DNM3: variants seen among roughly 807,000 people sequenced by gnomAD.
The protein encoded by DNM3 is dynamin-3.
In DNM3, 47 loss-of-function variants were observed where a neutral mutation model predicts 101.6. The ratio of observed to expected loss-of-function variants is 0.46; its 90% CI spans 0.37 to 0.59. DNM3 has a LOEUF of 0.59. DNM3 is among the 20% of genes least tolerant of loss of function. The pLI is 0.00. For missense variants in DNM3, 849 were observed against 1,085.7 expected (o/e 0.78, Z 3.06); for synonymous variants, 385 against 387.9 (o/e 0.99, Z 0.09).
At chr1:171,985,479 C>T (rs1293903512) in intron 2 of DNM3, among the ~76,000 whole-genome samples, 1 of 152,144 alleles carries the variant, frequency 6.6e-6, no homozygotes, top group Non-Finnish European at 1.5e-5. Context: ...GAAGAACATG[C>T]CTTATCTTGA....
chr1:171,894,671 G>T (rs1347922265), intron 1 of DNM3, among the ~76,000 whole-genome samples: 2 of 152,086 alleles, frequency 1.3e-5, no homozygotes, highest in African/African-American at 4.8e-5. Flanking sequence ...GTGCCATGTT[G>T]GTTTGTTGCA....
At chr1:172,098,994 G>A (rs188604142) in intron 13 of DNM3, among the ~76,000 whole-genome samples, 36 of 152,306 alleles carry the variant, frequency 2.4e-4, no homozygotes, top group African/African-American at 7.9e-4. Context: ...CTTGTAAATT[G>A]CTCTTCTGCT....
intron 8 of DNM3, among the ~76,000 whole-genome samples, chr1:172,043,968 G>C (rs758077155): frequency 6.8e-4 from 103 of 152,220 alleles, no homozygotes; most frequent in Non-Finnish European, 1.3e-3. Context: ...AAGTGGCCAG[G>C]GACAAAAGAC....
intron 14 of DNM3, 128 bp downstream of exon 14, chr1:172,131,416 T>A: frequency 5.3e-6 from 4 of 757,670 alleles, no homozygotes; most frequent in Non-Finnish European, 8.3e-6. Context: ...CTTGGAATGT[T>A]TGTTTAAAAA....
At chr1:172,237,927 G>A (rs558293975) in intron 14 of DNM3, among the ~76,000 whole-genome samples, 22 of 152,272 alleles carry the variant, frequency 1.4e-4, no homozygotes, top group South Asian at 8.3e-4. Context: ...CCTGTACTGG[G>A]TGACCCCACC....
At chr1:172,064,250 A>T (rs1438658147) in intron 10 of DNM3, among the ~76,000 whole-genome samples, 1 of 152,224 alleles carries the variant, frequency 6.6e-6, no homozygotes, top group Non-Finnish European at 1.5e-5. Flanking sequence ...ATTTAGGCAT[A>T]CATACTTAAT....
chr1:172,079,721 A>G (rs1258285244), intron 11 of DNM3, among the ~76,000 whole-genome samples: 1 of 152,080 alleles, frequency 6.6e-6, no homozygotes, highest in East Asian at 1.9e-4. Context: ...TGGAATTTTC[A>G]GCCTTTTTGC....
At chr1:172,241,572 CTG>C (rs1451013830) in intron 14 of DNM3, among the ~76,000 whole-genome samples, 1 of 152,056 alleles carries the variant, frequency 6.6e-6, no homozygotes, top group Non-Finnish European at 1.5e-5. Flanking sequence ...ATAAATCACT[CTG>C]AGAATCATTG....
At chr1:172,322,297 C>G (rs1157788154) in intron 16 of DNM3, among the ~76,000 whole-genome samples, 1 of 152,188 alleles carries the variant, frequency 6.6e-6, no homozygotes, top group Non-Finnish European at 1.5e-5. Context: ...ACACACTTTA[C>G]TCACAGCTCT....
intron 13 of DNM3, among the ~76,000 whole-genome samples, chr1:172,110,486 A>G (rs2055386824): frequency 6.6e-6 from 1 of 152,220 alleles, no homozygotes; most frequent in Non-Finnish European, 1.5e-5. Context: ...ATATCCAACA[A>G]GTAACTGTTG....
At chr1:172,241,106 TCTA>T (rs1337562564) in intron 14 of DNM3, among the ~76,000 whole-genome samples, 2 of 152,124 alleles carry the variant, frequency 1.3e-5, no homozygotes, top group African/African-American at 2.4e-5. Flanking sequence ...TTTTTTCTGT[TCTA>T]CTATTTTCTG....
At position 172,408,165 on chromosome 1, in the gene DNM3, A is replaced by G. The variant is rs776567280; in HGVS notation, c.*324A>G. The G allele has an allele frequency of 3.1e-5, 35 of 1,119,652 alleles. No homozygotes were observed. Among genetic ancestry groups the G allele is most frequent in the Non-Finnish European group, 3.7e-5 (34 of 911,920 alleles). The allele number at this position is 1,119,652 out of a possible 1,614,324, so 69.4% of individuals were successfully genotyped here. On this transcript the variant is annotated 3_prime_UTR_variant, in exon 21 of 21. Coordinates refer to ENST00000627582, the MANE Select transcript of DNM3 (RefSeq NM_015569.5). Reference sequence around the variant, plus strand: ...TTTGGACAAGTTTTCTAGGCTATCTACCAGGTAGCTCATTAAACGTAATTC... The same window carrying G: ...TTTGGACAAGTTTTCTAGGCTATCTGCCAGGTAGCTCATTAAACGTAATTC...
At chr1:172,290,095 ACTAGT>A (rs1268042798) in intron 15 of DNM3, 1 of 731,016 alleles carries the variant, frequency 1.4e-6, no homozygotes, top group African/African-American at 1.9e-5. Context: ...TACTGGTGAG[ACTAGT>A]CAGTCAACAA....
chr1:172,079,666 G>T (rs2052974041), intron 11 of DNM3, among the ~76,000 whole-genome samples: 1 of 152,074 alleles, frequency 6.6e-6, no homozygotes, highest in South Asian at 2.1e-4. Context: ...TTTCTTGCTG[G>T]CAAGGAGTTG....
In DNM3 at chr1:172,211,354, T is replaced by G. The variant is rs541282696; in HGVS notation, c.1660-42219T>G. On this transcript the variant is annotated intron_variant, in intron 14 of 20. Transcript: ENST00000627582. ...TCTAAAGTTTTCCTTCTACAATTTT[T>G]TAAGGCCCAGCGCAGGATCCCTGTC... 2.6e-5 allele frequency among the ~76,000 whole-genome samples: 4 copies of G among 152,110 alleles called. No homozygotes were observed. In the South Asian group the frequency reaches 8.3e-4, roughly 32 times the overall value.
intron 13 of DNM3, among the ~76,000 whole-genome samples, chr1:172,094,495 G>T (rs1373108321): frequency 6.6e-6 from 1 of 152,118 alleles, no homozygotes; most frequent in Non-Finnish European, 1.5e-5. Flanking sequence ...GACATTCCTG[G>T]GTTCAAATTC....
At chr1:172,287,065 C>A (rs2063729161) in intron 15 of DNM3, among the ~76,000 whole-genome samples, 3 of 152,146 alleles carry the variant, frequency 2.0e-5, no homozygotes, top group Non-Finnish European at 4.4e-5. Flanking sequence ...GTCAAATCAG[C>A]CAGTCCTCCT....
intron 15 of DNM3, among the ~76,000 whole-genome samples, chr1:172,278,107 T>C (rs958167805): frequency 1.3e-5 from 2 of 152,160 alleles, no homozygotes; most frequent in Admixed American, 6.6e-5. Flanking sequence ...CCCATAATTC[T>C]ACTTTTTTTG....
intron 6 of DNM3, among the ~76,000 whole-genome samples, chr1:172,034,821 G>A (rs1292327211): frequency 6.6e-6 from 1 of 152,072 alleles, no homozygotes; most frequent in Admixed American, 6.6e-5. Flanking sequence ...CAGAGAAAGA[G>A]GTAGTGAGTT....
Sources: allele counts gnomAD v4.1 joint callset (sites outside exome capture counted in the v4.1 genomes callset), GRCh38; gene constraint gnomAD v4.1.1; transcripts MANE v1.5; gene names NCBI Gene and HGNC (gene_info 2026-07-23, HGNC 2026-07-21).